Variants in SNX17 observed in about 807,000 individuals in gnomAD.
SNX17 encodes the protein sorting nexin 17.
In SNX17, 35 loss-of-function variants were observed where a neutral mutation model predicts 64.3. That is an observed-to-expected ratio of 0.54 (90% CI 0.42 to 0.72). The LOEUF (loss-of-function observed/expected upper bound fraction) is 0.72, where lower values mean the gene tolerates loss of function less well. SNX17 is among the 30% of genes least tolerant of loss of function. SNX17 has a pLI of 0.00. For synonymous variants in SNX17, 259 were observed against 230.2 expected, an observed-to-expected ratio of 1.13 and a Z score of -1.13; for missense variants, 538 against 610.0, an observed-to-expected ratio of 0.88 and a Z score of 1.24.
In SNX17 at chr2:27,375,107, A is replaced by C; in HGVS notation, c.728A>C (p.Gln243Pro). Residue 243 changes from glutamine to proline, a missense_variant, in exon 9 of 15, where the codon CAG becomes CCG. Physicochemically the swap from Gln to Pro is moderately conservative, Grantham distance 76. Coordinates refer to ENST00000233575, the MANE Select transcript of SNX17 (RefSeq NM_014748.4). The surrounding 1 kb of genome is among the most constrained non-coding windows in gnomAD (Gnocchi z 4.1). ...ERGWILVTKEQHRQLKSLQEK... is the reference protein window; with the variant it reads ...ERGWILVTKEPHRQLKSLQEK... ...GGGTGGATCTTGGTCACCAAGGAAC[A>C]GCACCGGCAACTCAAATCTCTGCAA... is the stretch of plus-strand genomic sequence containing the variant. 6.2e-7 allele frequency: 1 copy of C among 1,614,144 alleles called. No homozygotes were observed. The highest frequency in any genetic ancestry group is 8.5e-7 in the Non-Finnish European group (1 of 1,180,016).
Position 27,376,983 on chromosome 2 carries a change from C to T in SNX17, c.*264C>T. ...TTGCACAAAGTCTAAGGGACCATGG[C>T]TGCCTGCCTTGGGGAGGAACCATAT... On this transcript the variant is annotated 3_prime_UTR_variant, in exon 15 of 15. Coordinates refer to ENST00000233575, the MANE Select transcript of SNX17 (RefSeq NM_014748.4). The T allele has an allele frequency of 2.1e-6, 1 of 485,614 alleles. No homozygotes were observed. Among genetic ancestry groups the T allele is most frequent in the South Asian group, 2.2e-5 (1 of 46,196 alleles). 30.1% of individuals were successfully genotyped at this position (485,614 alleles called of 1,614,324 possible).
At chr2:27,371,825 AAACTCTATTT>A (rs1468609904) in intron 2 of SNX17, among the ~76,000 whole-genome samples, 1 of 152,176 alleles carries the variant, frequency 6.6e-6, no homozygotes, top group Non-Finnish European at 1.5e-5. Context: ...ACCAGATCTT[AAACTCTATTT>A]AACTCAGTAG....
chr2:27,373,885 G>C lies in SNX17; in HGVS notation c.346G>C (p.Glu116Gln), dbSNP rs774299879. 2.4e-5 allele frequency: 39 copies of C among 1,613,630 alleles called. No homozygotes were observed. In the Admixed American group the frequency reaches 6.5e-4, roughly 27 times the overall value. The change falls in exon 5 of 15, where the codon GAA becomes CAA. Residue 116 changes from glutamate (E) to glutamine (Q), a missense_variant. By Grantham distance (29) the Glu-to-Gln change is conservative. This residue lies in a region of SNX17 where 505 missense variants were observed against 550.4 expected (regional missense o/e 0.92). Transcript: ENST00000233575. ...QQETQQVPTE[E>Q]VSLEVLLSNG... ...GGAGACACAGCAGGTCCCCACAGAG[G>C]AAGTGTCCTTGGAAGTGCTGCTCAG... is the stretch of plus-strand genomic sequence containing the variant.
At chr2:27,373,634 A>G (rs1401519885) in intron 4 of SNX17, among the ~76,000 whole-genome samples, 1 of 152,166 alleles carries the variant, frequency 6.6e-6, no homozygotes, top group Non-Finnish European at 1.5e-5. Flanking sequence ...AAGTGCTGGG[A>G]TTACGGGTGT....
In SNX17 at chr2:27,376,809, G is replaced by A. The variant is rs1683294019; in HGVS notation, c.*90G>A. ...TGTCCCCCATGCTAGGGGCGGAGGGGTCTTTTCCTTCTTCTTTCCTACCTA... is the reference window on the plus strand; with the variant it reads ...TGTCCCCCATGCTAGGGGCGGAGGGATCTTTTCCTTCTTCTTTCCTACCTA... On this transcript the variant is annotated 3_prime_UTR_variant, in exon 15 of 15. Transcript: ENST00000233575. 4 of 1,086,250 alleles carry A rather than the reference G, an allele frequency of 3.7e-6. No individual in the cohort carries two copies. The highest frequency in any genetic ancestry group is 1.6e-5 in the African/African-American group (1 of 64,232). The allele number at this position is 1,086,250 out of a possible 1,614,324, so 67.3% of individuals were successfully genotyped here.
At chr2:27,373,596 C>T (rs1200884861) in intron 4 of SNX17, among the ~76,000 whole-genome samples, 1 of 152,208 alleles carries the variant, frequency 6.6e-6, no homozygotes, top group African/African-American at 2.4e-5. Flanking sequence ...CTCCTGACCT[C>T]AGGTGATCCA....
At position 27,376,889 on chromosome 2, in the gene SNX17, TG is replaced by T. The variant is rs1263291496; in HGVS notation, c.*172del. The stretch of plus-strand genomic sequence containing the variant: ...TCCTACCTTTCCTTGTCCCCTGGGC[TG>T]GCTGCACAGAGGATTGCCCCTTCTC... On this transcript the variant is annotated 3_prime_UTR_variant, in exon 15 of 15. Coordinates refer to ENST00000233575, the MANE Select transcript of SNX17 (RefSeq NM_014748.4). 1.3e-5 allele frequency: 8 copies of T among 617,630 alleles called. No individual in the cohort carries two copies. Among genetic ancestry groups the T allele is most frequent in the African/African-American group, 3.7e-5 (2 of 54,182 alleles). The allele number at this position is 617,630 out of a possible 1,614,324, so 38.3% of individuals were successfully genotyped here.
Position 27,373,304 on chromosome 2 carries a change from C to T in SNX17, c.314C>T (p.Ala105Val), listed in dbSNP as rs1168225703. The T allele has an allele frequency of 2.5e-6, 4 of 1,614,048 alleles. No homozygotes were observed. The highest frequency in any genetic ancestry group is 3.4e-6 in the Non-Finnish European group (4 of 1,180,020). The part of the protein sequence containing the change: ...SETFNSFLRR[A>V]QQETQQVPTE... ...ACTTTCAACAGTTTCCTGCGTCGGGCACAACAGGTAGGGCTTTGGGTGGGA... is the reference window on the plus strand; with the variant it reads ...ACTTTCAACAGTTTCCTGCGTCGGGTACAACAGGTAGGGCTTTGGGTGGGA... Residue 105 changes from alanine to valine, a missense_variant, in exon 4 of 15, where the codon GCA becomes GTA. Physicochemically the swap from Ala to Val is moderately conservative, Grantham distance 64. Coordinates refer to ENST00000233575, the MANE Select transcript of SNX17 (RefSeq NM_014748.4).
Position 27,375,800 on chromosome 2 carries a change from C to G in SNX17, c.979-46C>G, listed in dbSNP as rs374953146. 1.2e-6 allele frequency: 2 copies of G among 1,610,540 alleles called. No homozygotes were observed. Among genetic ancestry groups the G allele is most frequent in the East Asian group, 2.2e-5 (1 of 44,822 alleles). On this transcript the variant is annotated intron_variant, in intron 10 of 14. Coordinates refer to ENST00000233575, the MANE Select transcript of SNX17 (RefSeq NM_014748.4). This position sits in a 1 kb window ranked among gnomAD's most constrained non-coding sequence, Gnocchi z 4.1. The stretch of plus-strand genomic sequence containing the variant: ...GGCTGCAGCGGGTCAGGGAGCCAGA[C>G]AGGTTGGTCAGAGTGAACTCAACCG...
chr2:27,376,838 CT>C lies in SNX17; in HGVS notation c.*123del. 1 of 817,540 alleles carries C rather than the reference CT, an allele frequency of 1.2e-6. No homozygotes were observed. Among genetic ancestry groups the C allele is most frequent in the Non-Finnish European group, 2.0e-6 (1 of 509,532 alleles). The allele number at this position is 817,540 out of a possible 1,614,324, so 50.6% of individuals were successfully genotyped here. A position where few individuals can be genotyped will look rare whatever the true frequency, so the allele number is the denominator to read the frequency against. On this transcript the variant is annotated 3_prime_UTR_variant, in exon 15 of 15. Coordinates refer to ENST00000233575, the MANE Select transcript of SNX17 (RefSeq NM_014748.4). ...TTTCCTTCTTCTTTCCTACCTACCC[CT>C]TTTCTCTTGGCCAGGGGCCTCGTAT...
intron 1 of SNX17, 32 bp from the exon 2 acceptor site, chr2:27,371,237 C>T: frequency 1.9e-6 from 3 of 1,606,554 alleles, no homozygotes; most frequent in Middle Eastern, 1.7e-4. Flanking sequence ...AGACCGCAAC[C>T]CTAAAATGCT....
chr2:27,375,758 C>T lies in SNX17; in HGVS notation c.978+49C>T. ...GGGCCTGGGTTGGGGGCCCGGCAAG[C>T]CTTGAGCTTAGGTATGGGCTGCAGC... On this transcript the variant is annotated intron_variant, in intron 10 of 14. Transcript: ENST00000233575. The surrounding 1 kb of genome is among the most constrained non-coding windows in gnomAD (Gnocchi z 4.1). 1.9e-6 allele frequency: 3 copies of T among 1,611,624 alleles called. No homozygotes were observed. The highest frequency in any genetic ancestry group is 1.7e-6 in the Non-Finnish European group (2 of 1,178,956).
intron 7 of SNX17, 75 bp from the exon 8 acceptor site, chr2:27,374,614 T>G: frequency 1.4e-6 from 2 of 1,458,092 alleles, no homozygotes; most frequent in East Asian, 2.3e-5. Flanking sequence ...GCTCCTGTTT[T>G]GCCCATTTTC....
rs1659565614 is a variant in SNX17 at position 27,377,352 on chromosome 2, G to C, written c.*633G>C. 1.4e-6 allele frequency: 1 copy of C among 715,822 alleles called. No individual in the cohort carries two copies. The highest frequency in any genetic ancestry group is 2.5e-6 in the Non-Finnish European group (1 of 397,900). 44.3% of individuals were successfully genotyped at this position (715,822 alleles called of 1,614,324 possible). A position where few individuals can be genotyped will look rare whatever the true frequency, so the allele number is the denominator to read the frequency against. On this transcript the variant is annotated 3_prime_UTR_variant, in exon 15 of 15. Transcript: ENST00000233575. This position sits in a 1 kb window ranked among gnomAD's most constrained non-coding sequence, Gnocchi z 4.4. ...CCTGGGGGCAGTGGAGGTGAATACA[G>C]GGCCCTTCTCACTGAGCTCGTGAAG...
Position 27,374,382 on chromosome 2 carries a change from T to C in SNX17, c.560T>C (p.Val187Ala). 1.2e-6 allele frequency: 2 copies of C among 1,614,008 alleles called. No homozygotes were observed. Among genetic ancestry groups the C allele is most frequent in the Non-Finnish European group, 1.7e-6 (2 of 1,180,018 alleles). Residue 187 changes from valine (V) to alanine (A), a missense_variant, in exon 7 of 15, where the codon GTG (valine) becomes GCG (alanine). Val to Ala is a moderately conservative substitution (Grantham distance 64). Transcript: ENST00000233575. ...TTGCAAGAGTTTGAGCTGCCTTATG[T>C]GTCTGTCACCAGCCTTCGGAGTCAA... ...RKLQEFELPY[V>A]SVTSLRSQEY...
At position 27,376,773 on chromosome 2, in the gene SNX17, C is replaced by T. The variant is rs1683288842; in HGVS notation, c.*54C>T. The T allele has an allele frequency of 1.3e-6, 2 of 1,483,188 alleles. No individual in the cohort carries two copies. The highest frequency in any genetic ancestry group is 2.8e-5 in the African/African-American group (2 of 72,358). The allele number at this position is 1,483,188 out of a possible 1,614,324, so 91.9% of individuals were successfully genotyped here. Reference sequence around the variant, plus strand: ...CCCCAGAGGAATTTACAGAAACTTGCCCTGTGCCTGTGTCCCCCATGCTAG... The same window carrying T: ...CCCCAGAGGAATTTACAGAAACTTGTCCTGTGCCTGTGTCCCCCATGCTAG... On this transcript the variant is annotated 3_prime_UTR_variant, in exon 15 of 15. Transcript: ENST00000233575.
chr2:27,373,103 CAG>C, intron 3 of SNX17, 142 bp from the exon 4 acceptor site: 1 of 1,571,830 alleles, frequency 6.4e-7, no homozygotes, highest in Non-Finnish European at 8.6e-7. Context: ...TTTATGCAAA[CAG>C]TGAGTGAGGT....
chr2:27,374,058 G>A (rs747921363), intron 5 of SNX17, 27 bp from the exon 6 acceptor site: 2 of 1,611,794 alleles, frequency 1.2e-6, no homozygotes, highest in Admixed American at 1.7e-5. Context: ...CCAGTATGAT[G>A]AGCTGTACTT....
chr2:27,373,103 CAGTG>C (rs1682806320), intron 3 of SNX17, 140 bp from the exon 4 acceptor site: 1 of 1,571,712 alleles, frequency 6.4e-7, no homozygotes, highest in African/African-American at 1.4e-5. Context: ...TTTATGCAAA[CAGTG>C]AGTGAGGTGA....
Sources: gnomAD v4.1 joint callset for allele counts (sites outside exome capture counted in the v4.1 genomes callset) on GRCh38, gnomAD v4.1.1 for gene constraint, gnomAD v4.1.1 regional missense constraint, Gnocchi (gnomAD v3.1) non-coding constraint, MANE v1.5 for transcripts, NCBI Gene and HGNC (gene_info 2026-07-23, HGNC 2026-07-21) for gene names.